Variants in TRMT11 observed in about 807,000 individuals in gnomAD.
TRMT11 encodes the protein tRNA (guanine(10)-N(2))-methyltransferase TRMT11.
In TRMT11, 53 loss-of-function variants were observed where a neutral mutation model predicts 62.8. The observed-to-expected ratio is 0.84, with a 90% confidence interval of 0.68 to 1.06. The LOEUF (loss-of-function observed/expected upper bound fraction) is 1.06, where lower values mean the gene tolerates loss of function less well. TRMT11 is among the 50% of genes least tolerant of loss of function. The pLI is 0.00. For synonymous variants in TRMT11, 188 were observed against 190.3 expected, an observed-to-expected ratio of 0.99 and a Z score of 0.10; for missense variants, 556 against 553.4, an observed-to-expected ratio of 1.00 and a Z score of -0.05.
At chr6:125,993,591 A>G (rs1223416754) in intron 1 of TRMT11, among the ~76,000 whole-genome samples, 166 bp from the exon 2 acceptor site, 1 of 152,072 alleles carries the variant, frequency 6.6e-6, no homozygotes, top group Non-Finnish European at 1.5e-5. Context: ...TTATTATTAG[A>G]TTATTTCTGA....
chr6:126,185,727 A>G (rs1778519354), intron 1 of TRMT11, among the ~76,000 whole-genome samples: 1 of 152,134 alleles, frequency 6.6e-6, no homozygotes, highest in South Asian at 2.1e-4. Context: ...AGACTGGGTA[A>G]TTTATAAAGA....
At chr6:126,161,703 G>A (rs892519945) in intron 21 of TRMT11, among the ~76,000 whole-genome samples, 1 of 152,228 alleles carries the variant, frequency 6.6e-6, no homozygotes, top group African/African-American at 2.4e-5. Context: ...CCCACCAACA[G>A]TGTAAAAGCA....
the TRMT11 span, chr6:126,257,855 G>T: frequency 1.7e-6 from 2 of 1,182,198 alleles, no homozygotes; most frequent in South Asian, 2.4e-5. Flanking sequence ...CGCTGGTATT[G>T]CTCTTGCTAT....
chr6:126,255,298 A>G, the TRMT11 span, among the ~76,000 whole-genome samples: 2 of 152,220 alleles, frequency 1.3e-5, no homozygotes, highest in African/African-American at 4.8e-5. Context: ...TCTCTTTAGC[A>G]CTTCGAATGG....
At chr6:126,075,195 T>C (rs1027798578) in intron 17 of TRMT11, among the ~76,000 whole-genome samples, 4 of 152,118 alleles carry the variant, frequency 2.6e-5, no homozygotes, top group Admixed American at 2.6e-4. Flanking sequence ...CACTCTCTTA[T>C]TAAAGGAAAG....
At chr6:126,247,643 A>G in the TRMT11 span, among the ~76,000 whole-genome samples, 18 of 150,048 alleles carry the variant, frequency 1.2e-4, no homozygotes, top group Admixed American at 4.7e-4. Flanking sequence ...TAGGAATATG[A>G]TGCCTGAAAA....
rs764348495 is a variant in TRMT11, at chr6:126,012,822, T to A, written c.977T>A (p.Ile326Lys). 3 of 1,613,818 alleles carry A rather than the reference T, an allele frequency of 1.9e-6. No individual in the cohort carries two copies. In the Admixed American group the frequency reaches 5.0e-5, roughly 27 times the overall value. The part of the protein sequence containing the change: ...STRRTGSQKE[I>K]PKGIEKWEKC... ...AGAAGAACAGGTTCACAGAAGGAGA[T>A]ACCAAAGGGGATAGAAAAATGGGAA... is the stretch of plus-strand genomic sequence containing the variant. Residue 326 changes from isoleucine (I) to lysine (K), a missense_variant, in exon 10 of 13, where the codon ATA becomes AAA. By Grantham distance (102) the Ile-to-Lys change is moderately radical. Transcript: ENST00000334379.
intron 17 of TRMT11, among the ~76,000 whole-genome samples, chr6:126,076,638 A>G (rs1450526690): frequency 6.6e-6 from 1 of 152,186 alleles, no homozygotes; most frequent in African/African-American, 2.4e-5. Flanking sequence ...TCTAAACTCG[A>G]ATAACTACCC....
the TRMT11 span, among the ~76,000 whole-genome samples, chr6:126,248,029 A>G: frequency 6.6e-6 from 1 of 152,108 alleles, no homozygotes. Context: ...AACTTCTTAT[A>G]AGAGATACCG....
intron 3 of TRMT11, among the ~76,000 whole-genome samples, chr6:126,201,301 A>T (rs1472227038): frequency 1.3e-5 from 2 of 152,246 alleles, no homozygotes; most frequent in Non-Finnish European, 2.9e-5. Context: ...ATAGAAAAAA[A>T]ATTGACACAG....
chr6:126,138,770 A>T (rs1777881277), intron 21 of TRMT11, among the ~76,000 whole-genome samples: 1 of 152,062 alleles, frequency 6.6e-6, no homozygotes, highest in African/African-American at 2.4e-5. Flanking sequence ...ATTTAGTTAT[A>T]ATCTTGAATG....
Position 126,011,408 on chromosome 6 carries a change from A to T in TRMT11, c.916A>T (p.Ile306Phe), listed in dbSNP as rs116913944. ...GAAGGGCACATATTTTGATGCAATC[A>T]TTACTGATCGTAAGTTTATTTTTAT... ...WRKGTYFDAI[I>F]TDPPYGIRES... The change falls in exon 9 of 13, where the codon ATT (isoleucine) becomes TTT (phenylalanine). Residue 306 changes from isoleucine to phenylalanine, a missense_variant. Physicochemically the swap from Ile to Phe is conservative, Grantham distance 21. Transcript: ENST00000334379. 4.3e-6 allele frequency: 7 copies of T among 1,610,436 alleles called. No homozygotes were observed. The highest frequency in any genetic ancestry group is 5.9e-6 in the Non-Finnish European group (7 of 1,178,460).
At chr6:126,248,706 A>G in the TRMT11 span, among the ~76,000 whole-genome samples, 2 of 152,180 alleles carry the variant, frequency 1.3e-5, no homozygotes, top group Non-Finnish European at 2.9e-5. Context: ...GTTCACTGCT[A>G]TATTTCCTGA....
At chr6:126,116,574 C>A (rs766139759) in intron 21 of TRMT11, among the ~76,000 whole-genome samples, 1 of 152,094 alleles carries the variant, frequency 6.6e-6, no homozygotes, top group Non-Finnish European at 1.5e-5. Context: ...CCTAGTGCCA[C>A]GAGTGGCACG....
the TRMT11 span, among the ~76,000 whole-genome samples, chr6:126,211,728 C>T: frequency 6.6e-6 from 1 of 151,934 alleles, no homozygotes; most frequent in East Asian, 1.9e-4. Context: ...GTAATAATCA[C>T]ATCAGGTTAA....
intron 21 of TRMT11, among the ~76,000 whole-genome samples, chr6:126,134,564 C>G (rs939100376): frequency 2.6e-5 from 4 of 151,624 alleles, no homozygotes; most frequent in African/African-American, 9.7e-5. Flanking sequence ...ACTTCAACAC[C>G]CCGCTTTTGG....
chr6:126,022,411 G>A (rs1210389187), intron 12 of TRMT11, among the ~76,000 whole-genome samples: 2 of 151,870 alleles, frequency 1.3e-5, no homozygotes, highest in East Asian at 1.9e-4. Context: ...CCCATCTTAC[G>A]GATTATTTCA....
chr6:125,987,985 C>T (rs1261206663), intron 1 of TRMT11, among the ~76,000 whole-genome samples: 2 of 152,000 alleles, frequency 1.3e-5, no homozygotes, highest in African/African-American at 4.8e-5. Flanking sequence ...AGAAATTACT[C>T]AAAGGATAAG....
At position 126,020,835 on chromosome 6, in the gene TRMT11, AT is replaced by A. The variant is rs1795711871; in HGVS notation, c.1140-320del. Among the ~76,000 whole-genome samples, 3 of 152,066 alleles carry A rather than the reference AT, an allele frequency of 2.0e-5. No homozygotes were observed. The South Asian group carries it at 6.2e-4, about 32-fold the overall frequency. Reference sequence around the variant, plus strand: ...AATGTCAAGGGATGTTGTTGAGTGTATTTTTGTCTACTCTTGTGGAATTCTG... The same window carrying A: ...AATGTCAAGGGATGTTGTTGAGTGTATTTTGTCTACTCTTGTGGAATTCTG... On this transcript the variant is annotated intron_variant, in intron 11 of 12. Transcript: ENST00000334379.
Sources: gnomAD v4.1 joint callset for allele counts (sites outside exome capture counted in the v4.1 genomes callset) on GRCh38, gnomAD v4.1.1 for gene constraint, MANE v1.5 for transcripts, NCBI Gene and HGNC (gene_info 2026-07-23, HGNC 2026-07-21) for gene names.